The following SLC9A9 variants were observed in gnomAD, a reference collection of about 807,000 sequenced individuals.
SLC9A9 encodes solute carrier family 9 member A9, also known as sodium/hydrogen exchanger 9.
A neutral mutation model predicts 77.8 loss-of-function variants in SLC9A9; 62 were observed. That is an observed-to-expected ratio of 0.80 (90% CI 0.65 to 0.98). The LOEUF is 0.98. SLC9A9 is among the 50% of genes least tolerant of loss of function. The probability of loss-of-function intolerance (pLI) is 0.00; values close to 1 mark genes in which losing one functional copy is unlikely to be tolerated. For missense variants in SLC9A9, 775 were observed against 774.9 expected (o/e 1.00, Z 0.00); for synonymous variants, 320 against 283.5 (o/e 1.13, Z -1.29).
intron 4 of SLC9A9, among the ~76,000 whole-genome samples, chr3:143,752,881 A>G (rs1240677480): frequency 6.6e-6 from 1 of 152,126 alleles, no homozygotes; most frequent in Non-Finnish European, 1.5e-5. Flanking sequence ...TGTTGCACTT[A>G]TTGGGCTCAA....
chr3:143,281,493 C>A (rs1039481729), intron 14 of SLC9A9, among the ~76,000 whole-genome samples: 6 of 152,162 alleles, frequency 3.9e-5, no homozygotes, highest in African/African-American at 9.7e-5. Flanking sequence ...AAAGTGGAGA[C>A]AGGGAGCACC....
At chr3:143,455,906 G>T (rs1318031470) in intron 12 of SLC9A9, among the ~76,000 whole-genome samples, 2 of 148,128 alleles carry the variant, frequency 1.4e-5, no homozygotes, top group Non-Finnish European at 3.0e-5. Context: ...TATTTTTCTT[G>T]TTTTATTGCA....
At chr3:143,829,908 C>T (rs537509939) in intron 2 of SLC9A9, among the ~76,000 whole-genome samples, 142 of 152,238 alleles carry the variant, frequency 9.3e-4, no homozygotes, top group African/African-American at 3.2e-3. Context: ...AGGTTTTAAG[C>T]TCCTCACTTC....
At chr3:143,581,053 T>C (rs571009812) in intron 6 of SLC9A9, among the ~76,000 whole-genome samples, 61 of 152,232 alleles carry the variant, frequency 4.0e-4, no homozygotes, top group Non-Finnish European at 6.3e-4. Context: ...CAAATAGCTG[T>C]AGTCCCAGTG....
intron 4 of SLC9A9, among the ~76,000 whole-genome samples, chr3:143,717,735 A>C (rs983113069): frequency 6.6e-6 from 1 of 152,138 alleles, no homozygotes; most frequent in Non-Finnish European, 1.5e-5. Context: ...ACCAAGATGC[A>C]CCCCATTTGT....
intron 11 of SLC9A9, among the ~76,000 whole-genome samples, chr3:143,469,527 T>C (rs2035341796): frequency 6.6e-6 from 1 of 152,246 alleles, no homozygotes; most frequent in Admixed American, 6.5e-5. Context: ...TATTCGTACA[T>C]TAAAGGAATT....
intron 14 of SLC9A9, chr3:143,346,975 C>T (rs775818703): frequency 2.0e-5 from 3 of 152,128 alleles, no homozygotes; most frequent in Non-Finnish European, 4.4e-5. Flanking sequence ...TAACTTTTCT[C>T]TATTTTTCAG....
At chr3:143,506,046 G>A (rs2036010980) in intron 9 of SLC9A9, among the ~76,000 whole-genome samples, 1 of 152,124 alleles carries the variant, frequency 6.6e-6, no homozygotes, top group South Asian at 2.1e-4. Flanking sequence ...TTGCATTTAA[G>A]TTAATATACA....
At chr3:143,646,908 T>A (rs2038716075) in intron 6 of SLC9A9, among the ~76,000 whole-genome samples, 1 of 152,214 alleles carries the variant, frequency 6.6e-6, no homozygotes, top group African/African-American at 2.4e-5. Context: ...AATACTCCAT[T>A]GTTGGTTTAA....
chr3:143,822,544 C>T (rs184599852), intron 2 of SLC9A9, among the ~76,000 whole-genome samples: 3 of 152,294 alleles, frequency 2.0e-5, no homozygotes, highest in African/African-American at 7.2e-5. Context: ...TAGGTCCCCT[C>T]CCCTCCTGTG....
At chr3:143,366,474 A>G (rs1466370582) in intron 13 of SLC9A9, among the ~76,000 whole-genome samples, 1 of 152,232 alleles carries the variant, frequency 6.6e-6, no homozygotes, top group Non-Finnish European at 1.5e-5. Flanking sequence ...CTTTAATTCA[A>G]AAGCACAGAC....
intron 6 of SLC9A9, among the ~76,000 whole-genome samples, chr3:143,608,296 T>A (rs2037961329): frequency 1.3e-5 from 2 of 152,206 alleles, no homozygotes; most frequent in Non-Finnish European, 2.9e-5. Flanking sequence ...AAGGGGTACA[T>A]CAGTTCTAGC....
intron 6 of SLC9A9, among the ~76,000 whole-genome samples, chr3:143,593,204 A>G (rs1156419710): frequency 1.3e-5 from 2 of 152,204 alleles, no homozygotes; most frequent in Non-Finnish European, 2.9e-5. Flanking sequence ...GTCCAAAGGT[A>G]GGGCTCCTCC....
At chr3:143,444,650 A>C (rs2034809628) in intron 12 of SLC9A9, among the ~76,000 whole-genome samples, 1 of 152,064 alleles carries the variant, frequency 6.6e-6, no homozygotes, top group African/African-American at 2.4e-5. Context: ...ACAATCCCTA[A>C]ATTTCAGCTG....
At chr3:143,799,800 C>T (rs558947048) in intron 2 of SLC9A9, among the ~76,000 whole-genome samples, 4 of 152,208 alleles carry the variant, frequency 2.6e-5, no homozygotes, top group African/African-American at 9.6e-5. Flanking sequence ...TAGACCATCA[C>T]GAACACCGAG....
intron 12 of SLC9A9, among the ~76,000 whole-genome samples, chr3:143,437,137 T>C (rs778350018): frequency 6.6e-6 from 1 of 152,220 alleles, no homozygotes; most frequent in Non-Finnish European, 1.5e-5. Context: ...TTCCCCACTA[T>C]TGTCCCAGCC....
At chr3:143,730,859 TA>T (rs200348570) in intron 4 of SLC9A9, among the ~76,000 whole-genome samples, 5 of 150,576 alleles carry the variant, frequency 3.3e-5, no homozygotes, top group Non-Finnish European at 7.4e-5. Flanking sequence ...CAGCATGACT[TA>T]AAAAAAAAGA....
At chr3:143,287,720 A>G (rs969862986) in intron 14 of SLC9A9, among the ~76,000 whole-genome samples, 2 of 152,224 alleles carry the variant, frequency 1.3e-5, no homozygotes, top group Admixed American at 6.5e-5. Context: ...GTGCTAATGG[A>G]ATAACAGTGA....
chr3:143,677,014 C>T (rs1380150679), intron 5 of SLC9A9, among the ~76,000 whole-genome samples: 1 of 152,178 alleles, frequency 6.6e-6, no homozygotes, highest in Admixed American at 6.5e-5. Context: ...TTTGGGGACA[C>T]AGTGGATTAC....
Sources: gnomAD v4.1 joint callset for allele counts (sites outside exome capture counted in the v4.1 genomes callset) on GRCh38, gnomAD v4.1.1 for gene constraint, MANE v1.5 for transcripts, NCBI Gene and HGNC (gene_info 2026-07-23, HGNC 2026-07-21) for gene names.